ZFHX4: variants seen among roughly 807,000 people sequenced by gnomAD.
The protein encoded by ZFHX4 is zinc finger homeobox 4.
A neutral mutation model predicts 267.6 loss-of-function variants in ZFHX4; 56 were observed. The observed-to-expected ratio is 0.21, with a 90% confidence interval of 0.17 to 0.26. The LOEUF is 0.26. Among genes scored for constraint, ZFHX4 ranks in the 10% least tolerant of loss-of-function variants. The pLI, the probability that ZFHX4 is intolerant of heterozygous loss-of-function variation, is 1.00. For missense variants in ZFHX4, 4,332 were observed against 4,420.0 expected, an observed-to-expected ratio of 0.98 and a Z score of 0.56; for synonymous variants, 1,778 against 1,665.6, an observed-to-expected ratio of 1.07 and a Z score of -1.64.
intron 3 of ZFHX4, among the ~76,000 whole-genome samples, chr8:76,716,565 T>A (rs909012090): frequency 6.6e-6 from 1 of 152,164 alleles, no homozygotes. Context: ...TAAGGTTTTT[T>A]AATTAAGAAG....
At chr8:76,757,452 T>C (rs769652121) in intron 3 of ZFHX4, among the ~76,000 whole-genome samples, 10 of 152,114 alleles carry the variant, frequency 6.6e-5, no homozygotes, top group Non-Finnish European at 1.3e-4. Context: ...CCATGCCCAG[T>C]GAGGGGCTTT....
intron 1 of ZFHX4, among the ~76,000 whole-genome samples, chr8:76,697,414 T>C (rs1480914023): frequency 6.6e-6 from 1 of 152,080 alleles, no homozygotes; most frequent in Non-Finnish European, 1.5e-5. Context: ...AATGTTCTTA[T>C]GTGATAACTT....
At chr8:76,763,855 A>T (rs1056037684) in intron 3 of ZFHX4, among the ~76,000 whole-genome samples, 8 of 152,180 alleles carry the variant, frequency 5.3e-5, no homozygotes, top group African/African-American at 1.2e-4. Flanking sequence ...CATGTTGTAG[A>T]TTCTCTAGTT....
chr8:76,827,873 C>G (rs1811828206), intron 4 of ZFHX4, among the ~76,000 whole-genome samples: 1 of 152,166 alleles, frequency 6.6e-6, no homozygotes, highest in Non-Finnish European at 1.5e-5. Flanking sequence ...AATTACAAAT[C>G]CAGCCCCATT....
At chr8:76,860,012 G>A (rs1360610274) in intron 10 of ZFHX4, among the ~76,000 whole-genome samples, 1 of 151,914 alleles carries the variant, frequency 6.6e-6, no homozygotes, top group Non-Finnish European at 1.5e-5. Context: ...GTAGGAGTTG[G>A]GAAATGGGAA....
At chr8:76,858,361 T>C (rs1036801616) in intron 10 of ZFHX4, among the ~76,000 whole-genome samples, 1 of 152,220 alleles carries the variant, frequency 6.6e-6, no homozygotes, top group African/African-American at 2.4e-5. Flanking sequence ...GATAGGAGTA[T>C]CTTTAAACAC....
chr8:76,819,348 T>C (rs942751407), intron 4 of ZFHX4, among the ~76,000 whole-genome samples: 1 of 152,086 alleles, frequency 6.6e-6, no homozygotes, highest in Non-Finnish European at 1.5e-5. Context: ...CATTTTTATA[T>C]CTTTCTAAAT....
intron 4 of ZFHX4, among the ~76,000 whole-genome samples, chr8:76,811,784 C>G (rs756406804): frequency 6.6e-6 from 1 of 152,114 alleles, no homozygotes; most frequent in African/African-American, 2.4e-5. Context: ...TGTGGCCAGG[C>G]GTGGTGGCAC....
chr8:76,847,988 C>T (rs1812408418), intron 6 of ZFHX4, among the ~76,000 whole-genome samples: 1 of 152,092 alleles, frequency 6.6e-6, no homozygotes, highest in Non-Finnish European at 1.5e-5. Context: ...ACCCAGTTGT[C>T]CAGTGATAGT....
rs752025675 is a variant in ZFHX4 at position 76,705,582 on chromosome 8, A to C, written c.1494A>C (p.Lys498Asn). The change falls in exon 2 of 11, where the codon AAA becomes AAC. Residue 498 changes from lysine to asparagine, a missense_variant. Lys to Asn is a moderately conservative substitution (Grantham distance 94). This residue lies in a region of ZFHX4 where 1,195 missense variants were observed against 1,173.6 expected (regional missense o/e 1.02). Transcript: ENST00000651372. ...LGELTDSIGN[K>N]DFPLLNQSIS... The stretch of plus-strand genomic sequence containing the variant: ...AACTCACCGATAGTATTGGTAACAA[A>C]GATTTCCCTCTCTTAAACCAAAGCA... 6.2e-7 allele frequency: 1 copy of C among 1,613,790 alleles called. No individual in the cohort carries two copies. Among genetic ancestry groups the C allele is most frequent in the South Asian group, 1.1e-5 (1 of 91,016 alleles).
At chr8:76,707,480 C>T in intron 2 of ZFHX4, 66 bp from the exon 3 acceptor site, 1 of 1,365,680 alleles carries the variant, frequency 7.3e-7, no homozygotes, top group Non-Finnish European at 9.6e-7. Flanking sequence ...CTTTATTTTA[C>T]AGATTCCTTT....
intron 1 of ZFHX4, among the ~76,000 whole-genome samples, chr8:76,682,265 C>G (rs1228187010): frequency 6.6e-6 from 1 of 152,184 alleles, no homozygotes; most frequent in African/African-American, 2.4e-5. Context: ...TATTCAGCCT[C>G]GTTTTTCTTC....
chr8:76,764,067 C>T (rs1251844802), intron 3 of ZFHX4, among the ~76,000 whole-genome samples: 2 of 152,236 alleles, frequency 1.3e-5, no homozygotes, highest in East Asian at 3.9e-4. Flanking sequence ...TAGACTGCAA[C>T]AGGGGTCCTC....
chr8:76,825,220 C>G (rs1811753894), intron 4 of ZFHX4, among the ~76,000 whole-genome samples: 1 of 152,206 alleles, frequency 6.6e-6, no homozygotes. Context: ...ATAAGTACAA[C>G]TACTACTTAT....
chr8:76,824,419 C>T (rs1811733147), intron 4 of ZFHX4, among the ~76,000 whole-genome samples: 1 of 152,082 alleles, frequency 6.6e-6, no homozygotes. Flanking sequence ...ATCTTCTCAT[C>T]AAGTTTTTCT....
chr8:76,849,376 C>T (rs1477979742), intron 7 of ZFHX4, 136 bp from the exon 8 acceptor site: 2 of 883,436 alleles, frequency 2.3e-6, no homozygotes, highest in East Asian at 5.3e-5. Context: ...GATGGATATC[C>T]CATTTACCCT....
In ZFHX4 at chr8:76,705,494, C is replaced by A; in HGVS notation, c.1406C>A (p.Pro469Gln). ...ECPVKSEPTE[P>Q]GDEDEEDAYS... is the part of the protein sequence containing the mutation. Reference sequence around the variant, plus strand: ...CCTGTCAAAAGTGAACCCACTGAACCGGGAGATGAGGATGAAGAAGATGCG... The same window carrying A: ...CCTGTCAAAAGTGAACCCACTGAACAGGGAGATGAGGATGAAGAAGATGCG... The change falls in exon 2 of 11, where the codon CCG becomes CAG. Residue 469 changes from proline to glutamine, a missense_variant. By Grantham distance (76) the Pro-to-Gln change is moderately conservative. Coordinates refer to ENST00000651372, the MANE Select transcript of ZFHX4 (RefSeq NM_024721.5). 1 of 1,613,554 alleles carries A rather than the reference C, an allele frequency of 6.2e-7. No individual in the cohort carries two copies. The highest frequency in any genetic ancestry group is 8.5e-7 in the Non-Finnish European group (1 of 1,179,732).
At chr8:76,731,657 T>C (rs1809014167) in intron 3 of ZFHX4, among the ~76,000 whole-genome samples, 1 of 152,052 alleles carries the variant, frequency 6.6e-6, no homozygotes, top group Non-Finnish European at 1.5e-5. Flanking sequence ...TGAAATTAAA[T>C]AAGTCCATTG....
intron 4 of ZFHX4, among the ~76,000 whole-genome samples, chr8:76,813,466 G>T (rs1811428654): frequency 6.6e-6 from 1 of 152,008 alleles, no homozygotes. Context: ...GAATTAAAAA[G>T]GATGTCTGGA....
Sources: gnomAD v4.1 joint callset for allele counts (sites outside exome capture counted in the v4.1 genomes callset) on GRCh38, gnomAD v4.1.1 for gene constraint, gnomAD v4.1.1 regional missense constraint, MANE v1.5 for transcripts, NCBI Gene and HGNC (gene_info 2026-07-23, HGNC 2026-07-21) for gene names.